The following DOCK3 variants were observed in gnomAD, a reference collection of about 807,000 sequenced individuals.
DOCK3 encodes dedicator of cytokinesis 3.
In DOCK3, 60 loss-of-function variants were observed where a neutral mutation model predicts 265.6. The ratio of observed to expected loss-of-function variants is 0.23; its 90% CI spans 0.18 to 0.28. The LOEUF is 0.28. DOCK3 is among the 10% of genes least tolerant of loss of function. DOCK3 has a pLI of 1.00. For missense variants in DOCK3, 1,981 were observed against 2,594.3 expected (o/e 0.76, Z 5.14); for synonymous variants, 881 against 938.0 (o/e 0.94, Z 1.11).
chr3:51,324,236 A>AAAAAATCAATGTGC (rs2083935522), intron 32 of DOCK3, among the ~76,000 whole-genome samples: 1 of 152,244 alleles, frequency 6.6e-6, no homozygotes, highest in African/African-American at 2.4e-5. Context: ...GTCTCAAGAT[A>AAAAAATCAATGTGC]AAAAATCAAT....
intron 2 of DOCK3, among the ~76,000 whole-genome samples, chr3:50,811,986 CTT>C: frequency 6.6e-6 from 1 of 152,322 alleles, no homozygotes; most frequent in South Asian, 2.1e-4. Flanking sequence ...AAACTAAGAA[CTT>C]AACTCCTATC....
chr3:50,787,117 A>T (rs1282878922), intron 2 of DOCK3: 1 of 701,422 alleles, frequency 1.4e-6, no homozygotes, highest in African/African-American at 1.8e-5. Context: ...CAGGCAACAA[A>T]CTAAATGTTT....
intron 4 of DOCK3, chr3:50,893,290 C>T (rs1322364026): frequency 3.6e-6 from 1 of 279,394 alleles, no homozygotes. Flanking sequence ...CTATGAATTG[C>T]CCTCAAGACA....
At chr3:50,926,159 G>A (rs1003558114) in intron 4 of DOCK3, among the ~76,000 whole-genome samples, 5 of 152,076 alleles carry the variant, frequency 3.3e-5, no homozygotes, top group African/African-American at 1.2e-4. Context: ...CTTTGTGCCC[G>A]AGTGCTTCTC....
At chr3:50,712,399 A>G (rs1480948158) in intron 1 of DOCK3, among the ~76,000 whole-genome samples, 1 of 152,136 alleles carries the variant, frequency 6.6e-6, no homozygotes, top group Non-Finnish European at 1.5e-5. Flanking sequence ...GTGCAGTGGC[A>G]TGATCTCGGC....
chr3:51,307,891 G>GTT (rs1434914326), intron 27 of DOCK3, among the ~76,000 whole-genome samples: 12 of 136,090 alleles, frequency 8.8e-5, no homozygotes, highest in Non-Finnish European at 1.5e-4. Flanking sequence ...TTTTTTTTTT[G>GTT]TTTTTTTTTT....
chr3:50,743,076 C>G (rs1304607626), intron 1 of DOCK3, among the ~76,000 whole-genome samples: 4 of 151,942 alleles, frequency 2.6e-5, no homozygotes, highest in Non-Finnish European at 5.9e-5. Flanking sequence ...CCCAGAATTT[C>G]ATATCCAGCC....
chr3:50,783,870 T>A (rs980983566), intron 2 of DOCK3, among the ~76,000 whole-genome samples: 2 of 112,734 alleles, frequency 1.8e-5, no homozygotes, highest in Non-Finnish European at 4.1e-5. Context: ...CTTGAGTTGA[T>A]TTTTTTTTTT....
intron 27 of DOCK3, among the ~76,000 whole-genome samples, chr3:51,305,398 T>A (rs988836346): frequency 2.7e-4 from 41 of 152,356 alleles, no homozygotes; most frequent in African/African-American, 9.9e-4. Flanking sequence ...TGGGTACTAT[T>A]TTCATGGTAT....
intron 5 of DOCK3, among the ~76,000 whole-genome samples, chr3:50,983,119 T>G (rs1317579704): frequency 6.6e-6 from 1 of 152,168 alleles, no homozygotes; most frequent in Non-Finnish European, 1.5e-5. Flanking sequence ...ATACCAGACC[T>G]CTGCTGCCTC....
chr3:51,146,852 T>C (rs188001699), intron 10 of DOCK3, among the ~76,000 whole-genome samples: 20 of 152,350 alleles, frequency 1.3e-4, no homozygotes, highest in African/African-American at 4.6e-4. Context: ...TATAATCAAG[T>C]ACCTTTCACT....
At chr3:51,133,927 C>G (rs954610626) in intron 9 of DOCK3, among the ~76,000 whole-genome samples, 1 of 152,158 alleles carries the variant, frequency 6.6e-6, no homozygotes, top group Non-Finnish European at 1.5e-5. Context: ...TCATCTCCCT[C>G]CTCCCACCCT....
intron 14 of DOCK3, among the ~76,000 whole-genome samples, chr3:51,217,090 C>A (rs569294628): frequency 1.3e-5 from 2 of 152,014 alleles, no homozygotes; most frequent in Non-Finnish European, 2.9e-5. Flanking sequence ...TATTCATAAA[C>A]TGTGATCCTT....
At chr3:50,835,190 T>C (rs1288991207) in intron 2 of DOCK3, among the ~76,000 whole-genome samples, 2 of 152,206 alleles carry the variant, frequency 1.3e-5, no homozygotes, top group African/African-American at 4.8e-5. Flanking sequence ...AAAACAATTA[T>C]TTAACCCTTT....
intron 22 of DOCK3, among the ~76,000 whole-genome samples, chr3:51,254,797 C>G (rs1477063989): frequency 1.3e-5 from 2 of 152,166 alleles, no homozygotes; most frequent in African/African-American, 4.8e-5. Context: ...ATACAGCACA[C>G]TGATGGGTCT....
intron 27 of DOCK3, among the ~76,000 whole-genome samples, chr3:51,290,905 C>G: frequency 6.6e-6 from 1 of 152,058 alleles, no homozygotes; most frequent in East Asian, 1.9e-4. Context: ...ATGTGAAACC[C>G]TGTCTCTACT....
intron 2 of DOCK3, among the ~76,000 whole-genome samples, chr3:50,781,952 C>G (rs1022822961): frequency 1.3e-5 from 2 of 152,150 alleles, no homozygotes; most frequent in African/African-American, 4.8e-5. Flanking sequence ...CTGCAAAGGA[C>G]AGGATCTTGT....
intron 5 of DOCK3, among the ~76,000 whole-genome samples, chr3:51,056,811 A>T (rs1453875801): frequency 6.6e-6 from 1 of 152,226 alleles, no homozygotes; most frequent in African/African-American, 2.4e-5. Flanking sequence ...ATAAAGGAAT[A>T]TTCAAAAAGA....
At chr3:51,009,387 T>A (rs2108753856) in intron 5 of DOCK3, among the ~76,000 whole-genome samples, 1 of 152,340 alleles carries the variant, frequency 6.6e-6, no homozygotes, top group Middle Eastern at 3.4e-3. Flanking sequence ...TCTTCTAGAT[T>A]TTCTAGTTTA....
Sources: allele counts gnomAD v4.1 joint callset (sites outside exome capture counted in the v4.1 genomes callset), GRCh38; gene constraint gnomAD v4.1.1; transcripts MANE v1.5; gene names NCBI Gene and HGNC (gene_info 2026-07-23, HGNC 2026-07-21).